TRPC6: variants seen among roughly 807,000 people sequenced by gnomAD.
TRPC6 encodes the protein short transient receptor potential channel 6.
TRPC6 carries 55 observed loss-of-function variants against 90.7 expected under a neutral mutation model. The ratio of observed to expected loss-of-function variants is 0.61; its 90% CI spans 0.49 to 0.76. The LOEUF is 0.76. Ranked by LOEUF, TRPC6 falls within the 30% of genes least tolerant of loss-of-function variation. The pLI is 0.00. For missense variants in TRPC6, 989 were observed against 1,122.7 expected, an observed-to-expected ratio of 0.88 and a Z score of 1.70; for synonymous variants, 393 against 393.0, an observed-to-expected ratio of 1.00 and a Z score of 0.00.
intron 6 of TRPC6, among the ~76,000 whole-genome samples, chr11:101,475,974 C>A (rs150589022): frequency 6.6e-6 from 1 of 150,620 alleles, no homozygotes; most frequent in East Asian, 1.9e-4. Context: ...ATAGATCAAA[C>A]GTGAACTATT....
intron 1 of TRPC6, among the ~76,000 whole-genome samples, chr11:101,561,538 C>T (rs143651633): frequency 0.01 from 1,531 of 152,162 alleles, 22 homozygotes; most frequent in African/African-American, 0.035. Flanking sequence ...TATCCTTCTA[C>T]TCTACATCTG....
At chr11:101,494,942 T>C (rs531975124) in intron 2 of TRPC6, among the ~76,000 whole-genome samples, 3 of 152,352 alleles carry the variant, frequency 2.0e-5, no homozygotes, top group South Asian at 2.1e-4. Context: ...GACATTACTA[T>C]TAACTCATAT....
chr11:101,506,084 T>A (rs149249725), intron 1 of TRPC6, among the ~76,000 whole-genome samples: 5 of 152,242 alleles, frequency 3.3e-5, no homozygotes, highest in African/African-American at 9.6e-5. Context: ...TGAAGATTTT[T>A]TCGTTATTAA....
chr11:101,561,026 G>A (rs1861700347), intron 1 of TRPC6, among the ~76,000 whole-genome samples: 1 of 152,076 alleles, frequency 6.6e-6, no homozygotes, highest in Admixed American at 6.6e-5. Flanking sequence ...TATTTTTGTT[G>A]TATTGGATTT....
chr11:101,487,834 A>G (rs1013544018), intron 4 of TRPC6, among the ~76,000 whole-genome samples: 3 of 152,158 alleles, frequency 2.0e-5, no homozygotes, highest in Non-Finnish European at 2.9e-5. Flanking sequence ...TGTAATTCCT[A>G]TCATCACTAG....
chr11:101,492,657 A>G (rs2136710133), intron 2 of TRPC6, among the ~76,000 whole-genome samples: 1 of 152,302 alleles, frequency 6.6e-6, no homozygotes, highest in African/African-American at 2.4e-5. Flanking sequence ...CCACAGCATG[A>G]TCATAGGACT....
chr11:101,491,739 C>T lies in TRPC6; in HGVS notation c.946-1G>A. 6.2e-7 allele frequency: 1 copy of T among 1,609,666 alleles called. No homozygotes were observed. The highest frequency in any genetic ancestry group is 8.5e-7 in the Non-Finnish European group (1 of 1,177,974). On this transcript the variant is annotated splice_acceptor_variant, in intron 2 of 12. Transcript: ENST00000344327. LOFTEE classifies it high-confidence loss of function. ...GCATTGACAGTTTTTTGTAGTCATTCTAGGAAAAACAAAGCAAAACAAAAG... is the reference window on the plus strand; with the variant it reads ...GCATTGACAGTTTTTTGTAGTCATTTTAGGAAAAACAAAGCAAAACAAAAG...
At chr11:101,558,227 ATGTATATG>A (rs1861610961) in intron 1 of TRPC6, among the ~76,000 whole-genome samples, 1 of 116,638 alleles carries the variant, frequency 8.6e-6, no homozygotes, top group Non-Finnish European at 1.9e-5. Context: ...ATATGTATAC[ATGTATATG>A]GGTATACATG....
chr11:101,489,066 G>A lies in TRPC6; in HGVS notation c.1164C>T (p.Leu388=). The change falls in exon 4 of 13, where the codon CTC becomes CTT. Residue 388 remains leucine, a synonymous_variant. Coordinates refer to ENST00000344327, the MANE Select transcript of TRPC6 (RefSeq NM_004621.6). ...CAGAAAGATTCTCATACCAAATGGA[G>A]AGAAGTTGCTGTTGGCAGTTTGGAT... is the stretch of plus-strand genomic sequence containing the variant. The part of the protein sequence containing the change: ...VAHPNCQQQL[L]SIWYENLSGL... 1.2e-6 allele frequency: 2 copies of A among 1,614,174 alleles called. No homozygotes were observed. Among genetic ancestry groups the A allele is most frequent in the African/African-American group, 1.3e-5 (1 of 75,058 alleles).
chr11:101,499,875 GTATA>G (rs1350549558), intron 2 of TRPC6, among the ~76,000 whole-genome samples: 1 of 43,658 alleles, frequency 2.3e-5, no homozygotes, highest in Non-Finnish European at 5.5e-5. Flanking sequence ...TATAAAATGT[GTATA>G]TATATACACA....
At chr11:101,485,540 T>C (rs1342687186) in intron 4 of TRPC6, among the ~76,000 whole-genome samples, 1 of 152,002 alleles carries the variant, frequency 6.6e-6, no homozygotes, top group African/African-American at 2.4e-5. Context: ...CAAGAATCCA[T>C]ATCTTTCTCA....
intron 4 of TRPC6, among the ~76,000 whole-genome samples, chr11:101,484,197 A>T (rs1381474814): frequency 2.6e-5 from 4 of 152,222 alleles, no homozygotes; most frequent in African/African-American, 4.8e-5. Context: ...AGGTGCACTC[A>T]AATGCCCACT....
chr11:101,490,319 T>G (rs1157409644), intron 3 of TRPC6, among the ~76,000 whole-genome samples: 2 of 152,180 alleles, frequency 1.3e-5, no homozygotes, highest in African/African-American at 2.4e-5. Context: ...TGTATAGAAA[T>G]ATAACAATGG....
chr11:101,476,347 G>A lies in TRPC6; in HGVS notation c.1698C>T (p.Asp566=), dbSNP rs370821915. Residue 566 remains aspartate (D), a synonymous_variant, in exon 6 of 13, where the codon GAC becomes GAT. Transcript: ENST00000344327. ...TGTCTCCCAATGTTACTTTCGTCAA[G>A]TCCTTCAAAGTATCATTTGCGTCAA... ...SIIDANDTLK[D]LTKVTLGDNV... is the part of the protein sequence containing the mutation. 13 of 1,613,966 alleles carry A rather than the reference G, an allele frequency of 8.1e-6. No individual in the cohort carries two copies. The highest frequency in any genetic ancestry group is 1.1e-5 in the Non-Finnish European group (13 of 1,179,998).
chr11:101,571,003 T>C (rs1347516548), intron 1 of TRPC6, among the ~76,000 whole-genome samples: 1 of 152,196 alleles, frequency 6.6e-6, no homozygotes, highest in African/African-American at 2.4e-5. Flanking sequence ...CAACATAGTA[T>C]TGGAAGTTCT....
At chr11:101,551,305 C>A (rs190273329) in intron 1 of TRPC6, among the ~76,000 whole-genome samples, 1 of 151,764 alleles carries the variant, frequency 6.6e-6, no homozygotes. Context: ...TAACTGCAAC[C>A]ATAAAGTATT....
At chr11:101,457,283 C>A (rs1858906219) in intron 10 of TRPC6, among the ~76,000 whole-genome samples, 1 of 152,096 alleles carries the variant, frequency 6.6e-6, no homozygotes, top group African/African-American at 2.4e-5. Context: ...CTGCCTGCCC[C>A]CTTTGTTAAT....
chr11:101,502,659 C>G (rs183547072), intron 2 of TRPC6, among the ~76,000 whole-genome samples: 1 of 151,942 alleles, frequency 6.6e-6, no homozygotes, highest in South Asian at 2.1e-4. Flanking sequence ...AGGAGTCAAG[C>G]GAAAAGTAGG....
intron 10 of TRPC6, among the ~76,000 whole-genome samples, chr11:101,464,965 G>A (rs1314130637): frequency 3.9e-5 from 6 of 152,092 alleles, no homozygotes; most frequent in Non-Finnish European, 8.8e-5. Context: ...CTTCCTTCAG[G>A]AACTCTTGTA....
Sources: gnomAD v4.1 joint callset for allele counts (sites outside exome capture counted in the v4.1 genomes callset) on GRCh38, gnomAD v4.1.1 for gene constraint, MANE v1.5 for transcripts, NCBI Gene and HGNC (gene_info 2026-07-23, HGNC 2026-07-21) for gene names.